The following VAMP7 variants were observed in gnomAD, a reference collection of about 807,000 sequenced individuals.
The protein encoded by VAMP7 is vesicle associated membrane protein 7, also known as vesicle-associated membrane protein 7.
VAMP7 carries 14 observed loss-of-function variants against 29.6 expected under a neutral mutation model. The observed-to-expected ratio is 0.47, with a 90% CI of 0.31 to 0.74. The LOEUF (loss-of-function observed/expected upper bound fraction) is 0.74, where lower values mean the gene tolerates loss of function less well. VAMP7 is among the 30% of genes least tolerant of loss of function. The pLI, the probability that VAMP7 is intolerant of heterozygous loss-of-function variation, is 0.05. For missense variants in VAMP7, 223 were observed against 262.4 expected, an observed-to-expected ratio of 0.85 and a Z score of 1.04; for synonymous variants, 95 against 88.1, an observed-to-expected ratio of 1.08 and a Z score of -0.44.
intron 3 of VAMP7, among the ~76,000 whole-genome samples, chrX:155,897,189 A>G (rs754598584): frequency 2.0e-5 from 3 of 152,264 alleles, no homozygotes; most frequent in South Asian, 2.1e-4. Context: ...TATACAACCT[A>G]TATTCACAAT....
chrX:155,891,041 G>C (rs1161012773), intron 2 of VAMP7, among the ~76,000 whole-genome samples: 4 of 152,124 alleles, frequency 2.6e-5, no homozygotes, highest in African/African-American at 9.7e-5. Flanking sequence ...AGCTCCTTTG[G>C]TGCTTGTTAT....
At chrX:155,925,149 A>G (rs2066450362) in intron 6 of VAMP7, among the ~76,000 whole-genome samples, 1 of 152,064 alleles carries the variant, frequency 6.6e-6, no homozygotes, top group Non-Finnish European at 1.5e-5. Flanking sequence ...GAACCCCTCA[A>G]AGTAATTTGT....
At chrX:155,892,765 T>C (rs999423032) in intron 2 of VAMP7, among the ~76,000 whole-genome samples, 2 of 151,326 alleles carry the variant, frequency 1.3e-5, no homozygotes, top group Non-Finnish European at 2.9e-5. Context: ...ATTATTATTA[T>C]TATTGAGACG....
chrX:155,899,377 C>T (rs1351703965), intron 4 of VAMP7, among the ~76,000 whole-genome samples: 1 of 151,882 alleles, frequency 6.6e-6, no homozygotes, highest in Non-Finnish European at 1.5e-5. Flanking sequence ...TGATGTCAGA[C>T]ACCTTTCGAA....
intron 6 of VAMP7, among the ~76,000 whole-genome samples, chrX:155,920,241 T>C (rs758801597): frequency 2.9e-4 from 44 of 152,324 alleles, no homozygotes; most frequent in African/African-American, 1.1e-3. Context: ...TGTGACCCAG[T>C]ATGAATCTTG....
In VAMP7 at chrX:155,939,730, T is replaced by C. The variant is rs761674299; in HGVS notation, c.531T>C (p.Asn177=). 1 of 1,613,926 alleles carries C rather than the reference T, an allele frequency of 6.2e-7. No homozygotes were observed. The highest frequency in any genetic ancestry group is 1.7e-5 in the Admixed American group (1 of 60,010). Residue 177 remains asparagine (N), a synonymous_variant, in exon 7 of 8, where the codon AAT becomes AAC. Coordinates refer to ENST00000286448, the MANE Select transcript of VAMP7 (RefSeq NM_005638.6). The stretch of plus-strand genomic sequence containing the variant: ...TCACCTTCAAAACTACCAGCAGAAA[T>C]CTTGCTCGAGCCATGTGTATGAAGA... The part of the protein sequence containing the change: ...SSVTFKTTSR[N]LARAMCMKNL...
intron 6 of VAMP7, among the ~76,000 whole-genome samples, chrX:155,937,339 A>G (rs2066675524): frequency 6.6e-6 from 1 of 152,210 alleles, no homozygotes; most frequent in Admixed American, 6.5e-5. Flanking sequence ...GATACCGGAC[A>G]TACAGCATGG....
At chrX:155,915,731 G>C (rs1233813029) in intron 5 of VAMP7, among the ~76,000 whole-genome samples, 3 of 152,134 alleles carry the variant, frequency 2.0e-5, no homozygotes, top group Non-Finnish European at 4.4e-5. Flanking sequence ...CTGAGAGACT[G>C]TTGGTTACGA....
chrX:155,923,465 T>C (rs2066423749), intron 6 of VAMP7, among the ~76,000 whole-genome samples: 1 of 151,886 alleles, frequency 6.6e-6, no homozygotes, highest in Admixed American at 6.6e-5. Flanking sequence ...AGTATAGAAT[T>C]CTAGGTCAGT....
chrX:155,923,754 G>C (rs933765285), intron 6 of VAMP7, among the ~76,000 whole-genome samples: 26 of 151,976 alleles, frequency 1.7e-4, no homozygotes, highest in African/African-American at 6.3e-4. Flanking sequence ...AGTGACATCT[G>C]TATTAAGCCA....
intron 1 of VAMP7, among the ~76,000 whole-genome samples, chrX:155,885,161 T>C (rs2065850580): frequency 6.6e-6 from 1 of 152,202 alleles, no homozygotes; most frequent in Admixed American, 6.5e-5. Context: ...TTATAGCATA[T>C]CTTTTTTTAG....
Position 155,939,286 on chromosome X carries a change from C to A in VAMP7, c.502-415C>A, listed in dbSNP as rs138066408. Among the ~76,000 whole-genome samples the A allele has an allele frequency of 6.6e-3, 1,000 of 152,244 alleles. 3 individuals carry two copies. Among genetic ancestry groups the A allele is most frequent in the Non-Finnish European group, 8.6e-3 (585 of 68,014 alleles). On this transcript the variant is annotated intron_variant, in intron 6 of 7. Transcript: ENST00000286448. ...CCTCACAAAAGTAAATACATATCTTCCTACAGAAATCAAACAGGTTTTTAT... is the reference window on the plus strand; with the variant it reads ...CCTCACAAAAGTAAATACATATCTTACTACAGAAATCAAACAGGTTTTTAT...
intron 6 of VAMP7, among the ~76,000 whole-genome samples, chrX:155,930,600 T>C (rs1183267656): frequency 6.6e-6 from 1 of 151,538 alleles, no homozygotes; most frequent in African/African-American, 2.4e-5. Flanking sequence ...CAGAGAGCTA[T>C]GATCACACCA....
intron 2 of VAMP7, among the ~76,000 whole-genome samples, chrX:155,890,254 G>C (rs2065911542): frequency 1.3e-5 from 2 of 152,164 alleles, no homozygotes; most frequent in East Asian, 3.8e-4. Context: ...AAGTCATGTA[G>C]GGCCTTGTAG....
chrX:155,919,669 C>T (rs754388641), intron 5 of VAMP7, 144 bp from the exon 6 acceptor site: 26 of 691,078 alleles, frequency 3.8e-5, no homozygotes, highest in African/African-American at 1.6e-4. Flanking sequence ...TCCTTGTTTT[C>T]GAGTGGTGTC....
chrX:155,929,651 G>A (rs191904612), intron 6 of VAMP7, among the ~76,000 whole-genome samples: 11 of 152,212 alleles, frequency 7.2e-5, no homozygotes, highest in African/African-American at 2.6e-4. Flanking sequence ...TGTCACTGGG[G>A]AGGCTTATTC....
At chrX:155,917,759 A>G (rs1166654236) in intron 5 of VAMP7, among the ~76,000 whole-genome samples, 1 of 152,282 alleles carries the variant, frequency 6.6e-6, no homozygotes, top group East Asian at 1.9e-4. Flanking sequence ...GCTGGGAGGT[A>G]TCTTCCAGTC....
chrX:155,938,273 A>G (rs1024542542), intron 6 of VAMP7, among the ~76,000 whole-genome samples: 1 of 152,054 alleles, frequency 6.6e-6, no homozygotes, highest in African/African-American at 2.4e-5. Context: ...TTCAACATAT[A>G]TATTTAGCTC....
In VAMP7 at chrX:155,881,438, T is replaced by C. The variant is rs1411578531; in HGVS notation, c.-20T>C. The C allele has an allele frequency of 7.2e-6, 1 of 138,628 alleles. No individual in the cohort carries two copies. The highest frequency in any genetic ancestry group is 1.5e-5 in the Non-Finnish European group (1 of 64,522). 8.6% of individuals were successfully genotyped at this position (138,628 alleles called of 1,614,324 possible). On this transcript the variant is annotated 5_prime_UTR_variant, in exon 1 of 8. Transcript: ENST00000286448. ...CCCGAGCCCGCGCGCCCTCAGAGGG[T>C]GCCCGGACAGGTAAATGGAGTGGGG...
Sources: gnomAD v4.1 joint callset for allele counts (sites outside exome capture counted in the v4.1 genomes callset) on GRCh38, gnomAD v4.1.1 for gene constraint, MANE v1.5 for transcripts, NCBI Gene and HGNC (gene_info 2026-07-23, HGNC 2026-07-21) for gene names.